The following FHDC1 variants were observed in gnomAD, a reference collection of about 807,000 sequenced individuals.
FHDC1 encodes FH2 domain containing 1, also known as FH2 domain-containing protein 1.
Under a neutral mutation model 52.6 loss-of-function variants are expected in FHDC1, and 25 were observed. The observed-to-expected ratio is 0.48, with a 90% CI of 0.35 to 0.66. The LOEUF is 0.66. Ranked by LOEUF, FHDC1 falls within the 30% of genes least tolerant of loss-of-function variation. FHDC1 has a pLI of 0.01. For synonymous variants in FHDC1, 616 were observed against 581.5 expected, an observed-to-expected ratio of 1.06 and a Z score of -0.85; for missense variants, 1,459 against 1,452.8, an observed-to-expected ratio of 1.00 and a Z score of -0.07.
Position 152,974,761 on chromosome 4 carries a change from G to A in FHDC1, c.1470G>A (p.Gly490=). Residue 490 remains glycine (G), a synonymous_variant, in exon 12 of 12, where the codon GGG becomes GGA. Transcript: ENST00000511601. ...AGAAGCAGCGCTCCTGGGCAACTGG[G>A]GAGCTGGGGGCATTTGGCCGGAGCA... ...QEQKQRSWAT[G]ELGAFGRSSS... is the part of the protein sequence containing the mutation. The A allele has an allele frequency of 6.5e-7, 1 of 1,529,626 alleles. No individual in the cohort carries two copies. Among genetic ancestry groups the A allele is most frequent in the Non-Finnish European group, 8.8e-7 (1 of 1,137,130 alleles). 94.8% of individuals were successfully genotyped at this position (1,529,626 alleles called of 1,614,324 possible). A position where few individuals can be genotyped will look rare whatever the true frequency, so the allele number is the denominator to read the frequency against.
chr4:152,920,673 A>T, the FHDC1 span, among the ~76,000 whole-genome samples: 3 of 152,196 alleles, frequency 2.0e-5, no homozygotes, highest in Admixed American at 2.0e-4. Context: ...TAGTTGAAGG[A>T]TAGAGTTATC....
At chr4:152,954,722 G>A (rs1206598625) in intron 4 of FHDC1, among the ~76,000 whole-genome samples, 1 of 152,004 alleles carries the variant, frequency 6.6e-6, no homozygotes, top group Non-Finnish European at 1.5e-5. Flanking sequence ...AAGCTCACAT[G>A]CTCACATGGG....
At chr4:152,920,452 A>G in the FHDC1 span, among the ~76,000 whole-genome samples, 1 of 152,210 alleles carries the variant, frequency 6.6e-6, no homozygotes, top group Non-Finnish European at 1.5e-5. Flanking sequence ...CTTCAAGTCA[A>G]AACTAATGAA....
chr4:152,944,247 G>A (rs750745003), intron 2 of FHDC1, among the ~76,000 whole-genome samples: 43 of 152,266 alleles, frequency 2.8e-4, no homozygotes, highest in South Asian at 8.3e-4. Context: ...CCCCAGAGCT[G>A]CAGATCACCA....
the FHDC1 span, among the ~76,000 whole-genome samples, chr4:152,921,367 G>C: frequency 6.6e-6 from 1 of 151,898 alleles, no homozygotes; most frequent in Admixed American, 6.6e-5. Flanking sequence ...TATATGACAA[G>C]TTTATTTACA....
the FHDC1 span, among the ~76,000 whole-genome samples, chr4:152,922,411 C>T: frequency 2.0e-5 from 3 of 151,814 alleles, no homozygotes; most frequent in African/African-American, 7.3e-5. Flanking sequence ...GATTCACAGC[C>T]GAATTCTATC....
At chr4:152,958,881 A>G (rs1740190470) in intron 4 of FHDC1, among the ~76,000 whole-genome samples, 1 of 152,204 alleles carries the variant, frequency 6.6e-6, no homozygotes, top group Non-Finnish European at 1.5e-5. Context: ...GGGAAATGCA[A>G]TTATATAAAT....
chr4:152,978,524 A>G lies in FHDC1; in HGVS notation c.*1801A>G, dbSNP rs992478761. 2 of 144,652 alleles carry G rather than the reference A, an allele frequency of 1.4e-5. No individual in the cohort carries two copies. Among genetic ancestry groups the G allele is most frequent in the Non-Finnish European group, 3.0e-5 (2 of 66,514 alleles). The allele number at this position is 144,652 out of a possible 1,614,324, so 9.0% of individuals were successfully genotyped here. A position where few individuals can be genotyped will look rare whatever the true frequency, so the allele number is the denominator to read the frequency against. ...AAAAGTTCGGGGGCAGAGTGGGGGA[A>G]TCAGGCTTTATTCAAAAGAAACAGT... On this transcript the variant is annotated 3_prime_UTR_variant, in exon 12 of 12. Coordinates refer to ENST00000511601, the MANE Select transcript of FHDC1 (RefSeq NM_001371116.1).
Position 152,975,694 on chromosome 4 carries a change from C to A in FHDC1, c.2403C>A (p.Gly801=). ...CCAGAGGCGGGGACCCGGAGGAAGG[C>A]GGGGAAGGGGATGGCTCCATGTCCT... is the stretch of plus-strand genomic sequence containing the variant. ...SRPRGGDPEE[G]GEGDGSMSSG... is the part of the protein sequence containing the mutation. Residue 801 remains glycine, a synonymous_variant, in exon 12 of 12, where the codon GGC becomes GGA. Transcript: ENST00000511601. The A allele has an allele frequency of 1.2e-6, 2 of 1,611,726 alleles. No homozygotes were observed. Among genetic ancestry groups the A allele is most frequent in the Non-Finnish European group, 1.7e-6 (2 of 1,178,698 alleles).
chr4:152,954,178 G>A lies in FHDC1; in HGVS notation c.561-39G>A, dbSNP rs752468422. Reference sequence around the variant, plus strand: ...GGCTTGCACCTCTGTTGGCACTCCAGCAAACGTGAAATGGAATGTGATTCA... The same window carrying A: ...GGCTTGCACCTCTGTTGGCACTCCAACAAACGTGAAATGGAATGTGATTCA... On this transcript the variant is annotated intron_variant, in intron 3 of 11. Transcript: ENST00000511601. The A allele has an allele frequency of 2.6e-6, 4 of 1,565,560 alleles. No homozygotes were observed. In the East Asian group the frequency reaches 9.0e-5, roughly 35 times the overall value.
intron 4 of FHDC1, among the ~76,000 whole-genome samples, chr4:152,956,191 A>G (rs1468352861): frequency 2.0e-5 from 3 of 152,308 alleles, no homozygotes; most frequent in Admixed American, 2.0e-4. Flanking sequence ...AAAATGATGT[A>G]CTTGCTCTTG....
chr4:152,919,848 G>T, the FHDC1 span, among the ~76,000 whole-genome samples: 10 of 151,814 alleles, frequency 6.6e-5, no homozygotes, highest in African/African-American at 2.4e-4. Context: ...AGGCACACAA[G>T]GACTGGGTTG....
chr4:152,923,108 C>G, the FHDC1 span, among the ~76,000 whole-genome samples: 8 of 152,188 alleles, frequency 5.3e-5, no homozygotes, highest in East Asian at 1.5e-3. Context: ...TCTAGAAAAC[C>G]CCATCGTCTC....
intron 2 of FHDC1, among the ~76,000 whole-genome samples, chr4:152,949,121 T>TAAGAAGAAGAAGAAGAAG (rs1423440219): frequency 6.6e-4 from 43 of 65,482 alleles, no homozygotes; most frequent in Middle Eastern, 6.4e-3. Flanking sequence ...ATAATAATAA[T>TAAGAAGAAGAAGAAGAAG]AATAAGAAGA....
upstream of FHDC1, among the ~76,000 whole-genome samples, chr4:152,935,502 GA>G (rs1463516337): frequency 6.6e-6 from 1 of 152,170 alleles, no homozygotes; most frequent in African/African-American, 2.4e-5. Context: ...TTCTTTCTGT[GA>G]GGAGTGTGCC....
At chr4:152,912,446 T>G in the FHDC1 span, 1 of 152,182 alleles carries the variant, frequency 6.6e-6, no homozygotes, top group Non-Finnish European at 1.5e-5. Context: ...ATCTTTGCAC[T>G]TTTACTTACT....
the FHDC1 span, among the ~76,000 whole-genome samples, chr4:152,924,054 A>G: frequency 8.5e-4 from 128 of 150,814 alleles, no homozygotes; most frequent in East Asian, 4.7e-3. Flanking sequence ...AGAAACTACC[A>G]TCAGAGTGAA....
intron 9 of FHDC1, among the ~76,000 whole-genome samples, chr4:152,965,979 G>A (rs1010133357): frequency 6.6e-6 from 1 of 152,184 alleles, no homozygotes; most frequent in Non-Finnish European, 1.5e-5. Flanking sequence ...CCCAAAGTGG[G>A]ATTATCAGTT....
intron 8 of FHDC1, among the ~76,000 whole-genome samples, chr4:152,963,777 T>TTG (rs1740364367): frequency 9.9e-6 from 1 of 101,510 alleles, no homozygotes; most frequent in Non-Finnish European, 1.9e-5. Flanking sequence ...TTGTTTTTTT[T>TTG]TTTTTTTTTT....
Sources: allele counts gnomAD v4.1 joint callset (sites outside exome capture counted in the v4.1 genomes callset), GRCh38; gene constraint gnomAD v4.1.1; transcripts MANE v1.5; gene names NCBI Gene and HGNC (gene_info 2026-07-23, HGNC 2026-07-21).